ADGB: variants seen among roughly 807,000 people sequenced by gnomAD.
The protein encoded by ADGB is calpain-7-like protein.
Under a neutral mutation model 210.5 loss-of-function variants are expected in ADGB, and 172 were observed. That is an observed-to-expected ratio of 0.82 (90% CI 0.72 to 0.93). The LOEUF is 0.93. ADGB is among the 40% of genes least tolerant of loss of function. The pLI, the probability that ADGB is intolerant of heterozygous loss-of-function variation, is 0.00. For synonymous variants in ADGB, 658 were observed against 662.7 expected (o/e 0.99, Z 0.11); for missense variants, 2,025 against 1,964.8 (o/e 1.03, Z -0.58).
chr6:146,641,313 G>A (rs115407952), intron 2 of ADGB, among the ~76,000 whole-genome samples: 2,236 of 152,024 alleles, frequency 0.015, 61 homozygotes, highest in African/African-American at 0.052. Flanking sequence ...CATTGAAAAG[G>A]CTATACTGCC....
intron 1 of ADGB, among the ~76,000 whole-genome samples, chr6:146,625,662 A>G (rs973723023): frequency 2.0e-5 from 3 of 152,094 alleles, no homozygotes; most frequent in African/African-American, 4.8e-5. Flanking sequence ...CTCTCTTGCC[A>G]TCTGACATGC....
intron 9 of ADGB, among the ~76,000 whole-genome samples, chr6:146,685,013 A>G (rs552221789): frequency 6.6e-6 from 1 of 152,184 alleles, no homozygotes; most frequent in African/African-American, 2.4e-5. Context: ...TTTTGTAAAC[A>G]TAGTATCAAA....
intron 13 of ADGB, 105 bp from the exon 14 acceptor site, chr6:146,715,277 T>G (rs772393852): frequency 5.9e-6 from 6 of 1,019,168 alleles, no homozygotes; most frequent in Non-Finnish European, 8.5e-6. Flanking sequence ...AAAAATCTAT[T>G]TCTTCAAAGT....
chr6:146,705,089 A>C (rs535055431), intron 13 of ADGB, among the ~76,000 whole-genome samples: 12 of 151,998 alleles, frequency 7.9e-5, no homozygotes, highest in Non-Finnish European at 1.5e-4. Context: ...AGCTATTGTA[A>C]ATGGAATTAT....
intron 8 of ADGB, among the ~76,000 whole-genome samples, chr6:146,674,731 G>C (rs1303738890): frequency 2.0e-5 from 3 of 152,178 alleles, no homozygotes; most frequent in Non-Finnish European, 1.5e-5. Context: ...GGACTCAGCT[G>C]CCAAGTTTAT....
intron 29 of ADGB, among the ~76,000 whole-genome samples, chr6:146,771,918 C>A (rs1777658142): frequency 6.6e-6 from 1 of 152,108 alleles, no homozygotes; most frequent in Admixed American, 6.5e-5. Flanking sequence ...GAATGACAGC[C>A]AGTTCTGATT....
chr6:146,733,361 T>A lies in ADGB; in HGVS notation c.2656+106T>A. On this transcript the variant is annotated intron_variant, in intron 21 of 35. Transcript: ENST00000397944. Reference sequence around the variant, plus strand: ...GTAAGTGGAATAAGTCTGTGTGGACTGTCATGGAGTTCAAGCAGTGCTCTA... The same window carrying A: ...GTAAGTGGAATAAGTCTGTGTGGACAGTCATGGAGTTCAAGCAGTGCTCTA... 3.4e-6 allele frequency: 4 copies of A among 1,175,948 alleles called. No homozygotes were observed. In the South Asian group the frequency reaches 8.2e-5, roughly 24 times the overall value. The allele number at this position is 1,175,948 out of a possible 1,614,324, so 72.8% of individuals were successfully genotyped here.
At chr6:146,644,412 A>T (rs901942507) in intron 2 of ADGB, among the ~76,000 whole-genome samples, 16 of 151,722 alleles carry the variant, frequency 1.1e-4, no homozygotes, top group Admixed American at 2.0e-4. Context: ...GGTAAAAAAA[A>T]TTTTTTCAAT....
At chr6:146,648,118 C>T (rs983569593) in intron 3 of ADGB, among the ~76,000 whole-genome samples, 10 of 137,284 alleles carry the variant, frequency 7.3e-5, no homozygotes, top group Non-Finnish European at 1.2e-4. Context: ...CATTTACCAT[C>T]TGAGTTTTTT....
At chr6:146,630,151 C>T (rs1383894028) in intron 1 of ADGB, among the ~76,000 whole-genome samples, 3 of 152,124 alleles carry the variant, frequency 2.0e-5, no homozygotes, top group South Asian at 2.1e-4. Flanking sequence ...GGAGGAGAAT[C>T]GCTTGAACCC....
rs181315706 is a variant in ADGB, at chr6:146,761,929, A to T, written c.3551-1972A>T. Among the ~76,000 whole-genome samples the T allele has an allele frequency of 5.7e-4, 86 of 152,144 alleles. No homozygotes were observed. In the East Asian group the frequency reaches 7.7e-3, roughly 14 times the overall value. On this transcript the variant is annotated intron_variant, in intron 27 of 35. Transcript: ENST00000397944. ...GGATCCTGGTATTCCTTGTCTTGAG[A>T]CAACTTAACTCTGCCTATCTCTGCC...
At position 146,672,205 on chromosome 6, in the gene ADGB, T is replaced by C. The variant is rs755963003; in HGVS notation, c.840-15T>C. 2 of 1,461,094 alleles carry C rather than the reference T, an allele frequency of 1.4e-6. No individual in the cohort carries two copies. Among genetic ancestry groups the C allele is most frequent in the South Asian group, 2.9e-5 (2 of 69,736 alleles). The allele number at this position is 1,461,094 out of a possible 1,614,324, so 90.5% of individuals were successfully genotyped here. On this transcript the variant is annotated splice_polypyrimidine_tract_variant and intron_variant, in intron 7 of 35. Transcript: ENST00000397944. ...AACATCGTTTGGAAATTAATGTTTT[T>C]GTCTTTTCTCTTAGCCCGGGATATA...
rs368907892 is a variant in ADGB, at chr6:146,782,200, T to A, written c.4035+8T>A. On this transcript the variant is annotated splice_region_variant and intron_variant, in intron 30 of 35. Transcript: ENST00000397944. ...CCTCGCTTTGAGCCTCAGGTGGGTG[T>A]GGAATTTTTTTTATTTGAGTGACTT... 2.8e-5 allele frequency: 43 copies of A among 1,511,322 alleles called. No homozygotes were observed. The highest frequency in any genetic ancestry group is 3.6e-5 in the Non-Finnish European group (41 of 1,133,958). 93.6% of individuals were successfully genotyped at this position (1,511,322 alleles called of 1,614,324 possible).
chr6:146,725,003 A>G (rs1456247476), intron 18 of ADGB: 1 of 152,216 alleles, frequency 6.6e-6, no homozygotes, highest in Non-Finnish European at 1.5e-5. Context: ...TGCTAATTCT[A>G]TGTGATCAAT....
chr6:146,783,906 T>C (rs1383419213), intron 30 of ADGB, among the ~76,000 whole-genome samples: 1 of 152,198 alleles, frequency 6.6e-6, no homozygotes, highest in Non-Finnish European at 1.5e-5. Context: ...ATGATGAATA[T>C]GTAGCAAGTA....
At chr6:146,672,603 G>A (rs1020980902) in intron 8 of ADGB, 136 bp downstream of exon 8, 4 of 1,034,606 alleles carry the variant, frequency 3.9e-6, no homozygotes, top group Admixed American at 6.5e-5. Context: ...TCACACAGTA[G>A]GGAATTCAAG....
intron 33 of ADGB, among the ~76,000 whole-genome samples, chr6:146,794,232 AT>A (rs1023369717): frequency 3.9e-5 from 6 of 152,118 alleles, no homozygotes; most frequent in African/African-American, 1.4e-4. Context: ...CATAAGAAGA[AT>A]ATGCCTTGGC....
intron 33 of ADGB, among the ~76,000 whole-genome samples, chr6:146,797,130 A>T (rs1778056041): frequency 1.3e-5 from 2 of 152,206 alleles, no homozygotes; most frequent in African/African-American, 4.8e-5. Flanking sequence ...AGAAACGCAA[A>T]TCAAAACCAC....
At chr6:146,715,308 C>T (rs1776716538) in intron 13 of ADGB, 74 bp from the exon 14 acceptor site, 7 of 1,206,242 alleles carry the variant, frequency 5.8e-6, no homozygotes, top group Non-Finnish European at 1.2e-6. Context: ...TATATTAGCT[C>T]TTTTAGTAAC....
Sources: gnomAD v4.1 joint callset for allele counts (sites outside exome capture counted in the v4.1 genomes callset) on GRCh38, gnomAD v4.1.1 for gene constraint, MANE v1.5 for transcripts, NCBI Gene and HGNC (gene_info 2026-07-23, HGNC 2026-07-21) for gene names.